Variants in MAML3 observed in about 807,000 individuals in gnomAD.
MAML3 encodes mastermind like transcriptional coactivator 3.
MAML3 carries 27 observed loss-of-function variants against 101.9 expected under a neutral mutation model. The observed-to-expected ratio is 0.27, with a 90% CI of 0.20 to 0.37. The LOEUF (loss-of-function observed/expected upper bound fraction) is 0.37. MAML3 is among the 10% of genes least tolerant of loss of function. The probability of loss-of-function intolerance (pLI) is 1.00; values close to 1 mark genes in which losing one functional copy is unlikely to be tolerated. For synonymous variants in MAML3, 501 were observed against 555.9 expected, an observed-to-expected ratio of 0.90 and a Z score of 1.39; for missense variants, 1,316 against 1,444.9, an observed-to-expected ratio of 0.91 and a Z score of 1.45.
rs1729212180 is a variant in MAML3 at position 140,153,336 on chromosome 4, C to T, written c.-9G>A. 6.4e-7 allele frequency: 1 copy of T among 1,570,250 alleles called. No individual in the cohort carries two copies. Among genetic ancestry groups the T allele is most frequent in the South Asian group, 1.2e-5 (1 of 84,706 alleles). On this transcript the variant is annotated 5_prime_UTR_variant, in exon 1 of 5. Coordinates refer to ENST00000509479, the MANE Select transcript of MAML3 (RefSeq NM_018717.5). The stretch of plus-strand genomic sequence containing the variant: ...GCTGCGAAATCCCCCATCCTGCTCC[C>T]CGGGCACACTATTTTGGAAGAACTT...
chr4:139,892,762 TA>T (rs578224730), intron 1 of MAML3, among the ~76,000 whole-genome samples: 7 of 149,538 alleles, frequency 4.7e-5, no homozygotes, highest in African/African-American at 1.2e-4. Context: ...CATCTGTGCT[TA>T]AAAAAAAAAT....
chr4:140,148,373 T>A (rs955908544), intron 1 of MAML3, among the ~76,000 whole-genome samples: 2 of 152,084 alleles, frequency 1.3e-5, no homozygotes, highest in Non-Finnish European at 2.9e-5. Context: ...CCAAATAACA[T>A]AATAGAATTA....
intron 2 of MAML3, among the ~76,000 whole-genome samples, chr4:139,868,779 G>GA (rs374341425): frequency 1.5e-4 from 23 of 149,686 alleles, no homozygotes; most frequent in East Asian, 5.9e-4. Context: ...AATAGAATGT[G>GA]AAAAAAAAAT....
At chr4:139,754,067 G>A (rs1729591047) in intron 2 of MAML3, among the ~76,000 whole-genome samples, 1 of 152,220 alleles carries the variant, frequency 6.6e-6, no homozygotes, top group Non-Finnish European at 1.5e-5. Context: ...AGTTATGAAT[G>A]TGATAATTAT....
chr4:139,910,243 C>A (rs1470881486), intron 1 of MAML3, among the ~76,000 whole-genome samples: 1 of 152,188 alleles, frequency 6.6e-6, no homozygotes, highest in Non-Finnish European at 1.5e-5. Context: ...CGGCCAGTCC[C>A]CAGGCTTTCT....
intron 2 of MAML3, among the ~76,000 whole-genome samples, chr4:139,739,679 G>GTTTCTTTTTTT (rs200037455): frequency 7.6e-6 from 1 of 132,358 alleles, no homozygotes; most frequent in Non-Finnish European, 1.6e-5. Flanking sequence ...GAGGAAAGCA[G>GTTTCTTTTTTT]TTTTTTTTTT....
intron 1 of MAML3, among the ~76,000 whole-genome samples, chr4:140,012,723 T>C (rs1726581995): frequency 6.6e-6 from 1 of 152,214 alleles, no homozygotes; most frequent in Non-Finnish European, 1.5e-5. Flanking sequence ...AACCACCTCT[T>C]GAGGTCTAGG....
intron 1 of MAML3, among the ~76,000 whole-genome samples, chr4:140,003,678 G>A (rs1038536912): frequency 7.2e-5 from 11 of 152,178 alleles, no homozygotes; most frequent in Non-Finnish European, 4.4e-5. Context: ...GTCTGTCAAA[G>A]GGGACTGAGA....
intron 1 of MAML3, among the ~76,000 whole-genome samples, chr4:140,020,342 G>C (rs1164823607): frequency 3.9e-5 from 6 of 151,924 alleles, no homozygotes; most frequent in Non-Finnish European, 7.4e-5. Flanking sequence ...GAAAACAGTA[G>C]ATATTTTAAA....
At chr4:139,988,997 GCTT>G (rs1432162491) in intron 1 of MAML3, among the ~76,000 whole-genome samples, 1 of 152,158 alleles carries the variant, frequency 6.6e-6, no homozygotes, top group Admixed American at 6.5e-5. Context: ...TGTTGAACCT[GCTT>G]CTTCTCTTGA....
chr4:139,828,503 G>A (rs1470863859), intron 2 of MAML3, among the ~76,000 whole-genome samples: 1 of 152,194 alleles, frequency 6.6e-6, no homozygotes, highest in Non-Finnish European at 1.5e-5. Flanking sequence ...CCTACTAAAA[G>A]ACTAGGCATT....
chr4:140,143,757 T>C (rs1040937124), intron 1 of MAML3, among the ~76,000 whole-genome samples: 1 of 151,996 alleles, frequency 6.6e-6, no homozygotes, highest in Non-Finnish European at 1.5e-5. Context: ...CGAGACTCTG[T>C]CTCAAAAAAA....
At chr4:139,889,324 A>G (rs1319407640) in intron 2 of MAML3, 33 bp downstream of exon 2, 5 of 1,613,790 alleles carry the variant, frequency 3.1e-6, no homozygotes, top group Non-Finnish European at 4.2e-6. Flanking sequence ...CACCACAAGA[A>G]CTGCTCGAAG....
intron 1 of MAML3, among the ~76,000 whole-genome samples, chr4:140,031,606 C>T (rs953530722): frequency 6.6e-6 from 1 of 152,176 alleles, no homozygotes; most frequent in African/African-American, 2.4e-5. Context: ...ATTGGTTATA[C>T]AAAGATCTTC....
chr4:140,044,950 A>G (rs1397721207), intron 1 of MAML3, among the ~76,000 whole-genome samples: 1 of 152,228 alleles, frequency 6.6e-6, no homozygotes, highest in Non-Finnish European at 1.5e-5. Flanking sequence ...ATGTGCAACA[A>G]AAGTCATGCC....
At chr4:140,149,458 G>T (rs1729119051) in intron 1 of MAML3, among the ~76,000 whole-genome samples, 1 of 152,072 alleles carries the variant, frequency 6.6e-6, no homozygotes, top group African/African-American at 2.4e-5. Flanking sequence ...TTTTGTTGTT[G>T]TTTTTCATGC....
intron 2 of MAML3, among the ~76,000 whole-genome samples, chr4:139,856,674 C>T (rs1279780913): frequency 1.3e-5 from 2 of 152,196 alleles, no homozygotes; most frequent in Non-Finnish European, 2.9e-5. Flanking sequence ...AAAGCTTGTA[C>T]CTTTAAGAAA....
At chr4:140,084,570 T>C (rs1217503582) in intron 1 of MAML3, among the ~76,000 whole-genome samples, 1 of 152,166 alleles carries the variant, frequency 6.6e-6, no homozygotes, top group Non-Finnish European at 1.5e-5. Context: ...TATTTATGTC[T>C]CAGATTTCCC....
intron 1 of MAML3, among the ~76,000 whole-genome samples, chr4:139,962,913 A>G (rs909265513): frequency 3.3e-5 from 5 of 152,260 alleles, no homozygotes; most frequent in African/African-American, 1.2e-4. Flanking sequence ...ACCACTGCAA[A>G]TAAGTATGTA....
Sources: gnomAD v4.1 joint callset for allele counts (sites outside exome capture counted in the v4.1 genomes callset) on GRCh38, gnomAD v4.1.1 for gene constraint, MANE v1.5 for transcripts, NCBI Gene and HGNC (gene_info 2026-07-23, HGNC 2026-07-21) for gene names.